FAM120B: variants seen among roughly 807,000 people sequenced by gnomAD.
FAM120B encodes the protein family with sequence similarity 120 member B.
Under a neutral mutation model 96.3 loss-of-function variants are expected in FAM120B, and 83 were observed. The observed-to-expected ratio is 0.86, with a 90% CI of 0.72 to 1.03. FAM120B has a LOEUF of 1.03. Ranked by LOEUF, FAM120B falls within the 50% of genes least tolerant of loss-of-function variation. The pLI is 0.00. For missense variants in FAM120B, 1,027 were observed against 1,121.2 expected (o/e 0.92, Z 1.20); for synonymous variants, 407 against 402.7 (o/e 1.01, Z -0.13).
At chr6:170,305,970 C>T (rs1201488699), upstream of FAM120B, among the ~76,000 whole-genome samples, 2 of 152,166 alleles carry the variant, frequency 1.3e-5, no homozygotes, top group African/African-American at 4.8e-5. Context: ...GCACCTGTTC[C>T]CCTGTCCCCG....
rs140412628 is a variant in FAM120B, at chr6:170,295,584, C to A, written c.48+131C>A. On this transcript the variant is annotated intron_variant, in intron 1 of 10. Coordinates refer to the FAM120B transcript ENST00000537664. The surrounding 1 kb of genome is among the most constrained non-coding windows in gnomAD (Gnocchi z 7.8). Reference sequence around the variant, plus strand: ...GGCGACGGTGGGGGCACAAGAACAGCAGCCGGGGGCGAAGGAATCAGCCCC... The same window carrying A: ...GGCGACGGTGGGGGCACAAGAACAGAAGCCGGGGGCGAAGGAATCAGCCCC... 6.2e-3 allele frequency: 3,429 copies of A among 550,896 alleles called. 20 individuals carry two copies. Among genetic ancestry groups the A allele is most frequent in the Non-Finnish European group, 8.2e-3 (2,603 of 315,970 alleles). 34.1% of individuals were successfully genotyped at this position (550,896 alleles called of 1,614,324 possible).
At chr6:170,338,024 A>G (rs778638139) in intron 4 of FAM120B, among the ~76,000 whole-genome samples, 144 of 149,728 alleles carry the variant, frequency 9.6e-4, no homozygotes, top group Middle Eastern at 3.4e-3. Context: ...TCATGTCTCT[A>G]TCTCCTTCAG....
rs746635878 is a variant in FAM120B, at chr6:170,348,278, C to T, written c.2145C>T (p.Ser715=). ...SSREELQAVE[S]PFQALCCLLI... ...GAGAAGAGCTGCAGGCTGTCGAAAG[C>T]CCATTTCAAGCTTTGTGCTGCCTCT... Residue 715 remains serine, a synonymous_variant, in exon 5 of 11, where the codon AGC becomes AGT. Transcript: ENST00000476287. 8.1e-6 allele frequency: 13 copies of T among 1,613,660 alleles called. No individual in the cohort carries two copies. Among genetic ancestry groups the T allele is most frequent in the Non-Finnish European group, 1.1e-5 (13 of 1,179,906 alleles).
chr6:170,333,499 T>C (rs1406028539), intron 4 of FAM120B, among the ~76,000 whole-genome samples: 1 of 151,890 alleles, frequency 6.6e-6, no homozygotes, highest in African/African-American at 2.4e-5. Flanking sequence ...TACATGCATA[T>C]ATTTCTGTGA....
Position 170,318,014 on chromosome 6 carries a change from A to G in FAM120B, c.624A>G (p.Arg208=). 2 of 1,613,966 alleles carry G rather than the reference A, an allele frequency of 1.2e-6. No homozygotes were observed. Among genetic ancestry groups the G allele is most frequent in the Non-Finnish European group, 1.7e-6 (2 of 1,179,892 alleles). Residue 208 remains arginine (R), a synonymous_variant, in exon 2 of 11, where the codon AGA becomes AGG. Transcript: ENST00000476287. Reference sequence around the variant, plus strand: ...GCCTGGACACCGTCATGCTCTGCAGAGAGAAGCTCTGTGAGAGTCTGGGCC... The same window carrying G: ...GCCTGGACACCGTCATGCTCTGCAGGGAGAAGCTCTGTGAGAGTCTGGGCC... ...LESLDTVMLC[R]EKLCESLGLC...
At position 170,375,531 on chromosome 6, in the gene FAM120B, T is replaced by C. The variant is rs60910889; in HGVS notation, c.2284-12756T>C. Among the ~76,000 whole-genome samples, 552 of 152,354 alleles carry C rather than the reference T, an allele frequency of 3.6e-3. 5 individuals are homozygous for C. Among genetic ancestry groups the C allele is most frequent in the African/African-American group, 0.013 (527 of 41,576 alleles). Reference sequence around the variant, plus strand: ...CTAAAATGGAATCAGCATATTTCCCTATAAAGACACTTCCACTCATTCATT... The same window carrying C: ...CTAAAATGGAATCAGCATATTTCCCCATAAAGACACTTCCACTCATTCATT... On this transcript the variant is annotated intron_variant, in intron 6 of 10. Transcript: ENST00000476287.
chr6:170,393,405 G>A (rs1386449340), intron 8 of FAM120B, among the ~76,000 whole-genome samples: 2 of 152,216 alleles, frequency 1.3e-5, no homozygotes, highest in African/African-American at 4.8e-5. Flanking sequence ...GTGTGGTACA[G>A]TGGTACTTAC....
chr6:170,319,336 A>G (rs1785143100), intron 2 of FAM120B, among the ~76,000 whole-genome samples: 1 of 152,228 alleles, frequency 6.6e-6, no homozygotes, highest in South Asian at 2.1e-4. Context: ...AAAGTGCTAT[A>G]AGAATACAAG....
At chr6:170,386,942 T>C (rs1790219360) in intron 6 of FAM120B, among the ~76,000 whole-genome samples, 1 of 152,228 alleles carries the variant, frequency 6.6e-6, no homozygotes, top group Non-Finnish European at 1.5e-5. Flanking sequence ...ATTTAACATT[T>C]GAAAACCATT....
intron 6 of FAM120B, among the ~76,000 whole-genome samples, chr6:170,371,045 G>T (rs1789154720): frequency 6.6e-6 from 1 of 152,034 alleles, no homozygotes; most frequent in Non-Finnish European, 1.5e-5. Flanking sequence ...CAATTTAATG[G>T]CTCTGAACAC....
At chr6:170,393,641 T>C (rs1790584195) in intron 8 of FAM120B, among the ~76,000 whole-genome samples, 1 of 152,244 alleles carries the variant, frequency 6.6e-6, no homozygotes, top group South Asian at 2.1e-4. Flanking sequence ...AGTAATTTTC[T>C]TCACAAATCC....
chr6:170,309,773 T>G (rs906330434), intron 1 of FAM120B, among the ~76,000 whole-genome samples: 3 of 152,250 alleles, frequency 2.0e-5, no homozygotes, highest in African/African-American at 7.2e-5. Flanking sequence ...AGGAGTTTTC[T>G]GGCTAGATTA....
chr6:170,318,521 T>C lies in FAM120B; in HGVS notation c.1131T>C (p.Val377=), dbSNP rs775435232. 16 of 1,579,478 alleles carry C rather than the reference T, an allele frequency of 1.0e-5. No individual in the cohort carries two copies. The African/African-American group carries it at 2.0e-4, about 20-fold the overall frequency. ...VYTDSEPRQE[V]PMCSDPEPRQ... is the part of the protein sequence containing the mutation. ...CAGATTCTGAACCCAGGCAAGAAGT[T>C]CCCATGTGTTCAGACCCTGAACCCA... Residue 377 remains valine (V), a synonymous_variant, in exon 2 of 11, where the codon GTT becomes GTC. Transcript: ENST00000476287.
intron 5 of FAM120B, among the ~76,000 whole-genome samples, chr6:170,351,281 G>A (rs1484752568): frequency 6.6e-6 from 1 of 152,190 alleles, no homozygotes. Context: ...AAACCTCCAA[G>A]AAGTATGAGA....
intron 6 of FAM120B, among the ~76,000 whole-genome samples, chr6:170,359,690 G>A (rs1158146514): frequency 6.6e-6 from 1 of 152,054 alleles, no homozygotes; most frequent in Non-Finnish European, 1.5e-5. Flanking sequence ...CCTCCCGCCT[G>A]GGCCTCCCAA....
intron 4 of FAM120B, among the ~76,000 whole-genome samples, chr6:170,336,003 T>G (rs1786397082): frequency 6.6e-6 from 1 of 152,232 alleles, no homozygotes; most frequent in Admixed American, 6.5e-5. Flanking sequence ...AGGTTGCCTG[T>G]TCACTCTGAT....
upstream of FAM120B, among the ~76,000 whole-genome samples, chr6:170,294,690 G>C (rs543969677): frequency 4.6e-5 from 7 of 152,002 alleles, no homozygotes; most frequent in African/African-American, 1.7e-4. This position sits in a 1 kb window ranked among gnomAD's most constrained non-coding sequence, Gnocchi z 7.9. Context: ...CTCCAGGTTC[G>C]TGTGTGGTGG....
chr6:170,350,541 G>A (rs1787508380), intron 5 of FAM120B, among the ~76,000 whole-genome samples: 1 of 152,220 alleles, frequency 6.6e-6, no homozygotes, highest in Non-Finnish European at 1.5e-5. Flanking sequence ...GTGTGGGCCA[G>A]CAACAGGTCA....
intron 4 of FAM120B, 153 bp downstream of exon 4, chr6:170,330,703 A>G: frequency 1.6e-6 from 1 of 636,812 alleles, no homozygotes. Flanking sequence ...GTATCCATCT[A>G]ACAAAGTCCC....
Sources: allele counts gnomAD v4.1 joint callset (sites outside exome capture counted in the v4.1 genomes callset), GRCh38; gene constraint gnomAD v4.1.1; non-coding constraint Gnocchi (gnomAD v3.1); transcripts MANE v1.5; gene names NCBI Gene and HGNC (gene_info 2026-07-23, HGNC 2026-07-21).